CHKA: variants seen among roughly 807,000 people sequenced by gnomAD.
CHKA encodes the protein CHETK-alpha.
A neutral mutation model predicts 60.1 loss-of-function variants in CHKA; 34 were observed. The observed-to-expected ratio is 0.57, with a 90% confidence interval of 0.43 to 0.75. CHKA has a LOEUF of 0.75. Ranked by LOEUF, CHKA falls within the 30% of genes least tolerant of loss-of-function variation. The pLI, the probability that CHKA is intolerant of heterozygous loss-of-function variation, is 0.00. For synonymous variants in CHKA, 217 were observed against 223.1 expected (o/e 0.97, Z 0.24); for missense variants, 563 against 561.3 (o/e 1.00, Z -0.03).
chr11:68,099,628 T>A lies in CHKA; in HGVS notation c.351-2498A>T, dbSNP rs980476336. On this transcript the variant is annotated intron_variant, in intron 1 of 11. Transcript: ENST00000265689. ...AAGGAACCAAAAGCAGCCTTAACCTTTCTGTTAAACTTGGCGTGGCGCCTC... is the reference window on the plus strand; with the variant it reads ...AAGGAACCAAAAGCAGCCTTAACCTATCTGTTAAACTTGGCGTGGCGCCTC... Among the ~76,000 whole-genome samples the A allele has an allele frequency of 3.3e-5, 5 of 152,110 alleles. No individual in the cohort carries two copies. In the South Asian group the frequency reaches 1.0e-3, roughly 32 times the overall value.
chr11:68,096,568 C>G (rs554781745), intron 2 of CHKA, among the ~76,000 whole-genome samples: 5 of 152,232 alleles, frequency 3.3e-5, no homozygotes, highest in Admixed American at 3.3e-4. Flanking sequence ...AAAGAAATCT[C>G]AGAGAAACAG....
At chr11:68,092,895 T>G (rs1346794396) in intron 2 of CHKA, among the ~76,000 whole-genome samples, 1 of 152,030 alleles carries the variant, frequency 6.6e-6, no homozygotes, top group East Asian at 1.9e-4. Context: ...AGCAAAGAAA[T>G]AGTTTTTTTC....
chr11:68,061,769 TC>T, intron 11 of CHKA, 183 bp downstream of exon 11: 1 of 642,154 alleles, frequency 1.6e-6, no homozygotes, highest in Admixed American at 2.1e-5. Context: ...CAGCGGCTTC[TC>T]CCCCGGCTTC....
chr11:68,091,556 C>T (rs1348668328), intron 2 of CHKA, among the ~76,000 whole-genome samples: 6 of 152,158 alleles, frequency 3.9e-5, no homozygotes, highest in African/African-American at 7.2e-5. Context: ...AGTTTGTTTC[C>T]GTCTCATCTT....
chr11:68,084,391 C>T lies in CHKA; in HGVS notation c.463-2934G>A, dbSNP rs542895151. ...ATATACGTATATGTGTATATATATA[C>T]ACACATATACGTATATATGTGTATA... On this transcript the variant is annotated intron_variant, in intron 2 of 11. Transcript: ENST00000265689. Among the ~76,000 whole-genome samples the T allele has an allele frequency of 1.1e-3, 107 of 100,186 alleles. 1 individual carries two copies. The Middle Eastern group carries it at 0.018, about 17-fold the overall frequency. 65.7% of individuals were successfully genotyped at this position (100,186 alleles called of 152,430 possible). A position where few individuals can be genotyped will look rare whatever the true frequency, so the allele number is the denominator to read the frequency against.
chr11:68,120,541 C>T (rs1039378647), intron 1 of CHKA, among the ~76,000 whole-genome samples: 23 of 152,374 alleles, frequency 1.5e-4, no homozygotes, highest in Middle Eastern at 3.4e-3. Flanking sequence ...CGTGATGGAA[C>T]GGTATTGTTC....
chr11:68,058,958 G>A lies in CHKA; in HGVS notation c.1314+2995C>T, dbSNP rs531298283. Among the ~76,000 whole-genome samples, 5 of 152,218 alleles carry A rather than the reference G, an allele frequency of 3.3e-5. No homozygotes were observed. The East Asian group carries it at 7.7e-4, about 23-fold the overall frequency. On this transcript the variant is annotated intron_variant, in intron 11 of 11. Coordinates refer to ENST00000265689, the MANE Select transcript of CHKA (RefSeq NM_001277.3). ...GTTGCCCAGGCTGGAGTGCAGTGGCGTGATCTCGGCTCACTGCAACCTCCA... is the reference window on the plus strand; with the variant it reads ...GTTGCCCAGGCTGGAGTGCAGTGGCATGATCTCGGCTCACTGCAACCTCCA...
At chr11:68,111,276 G>A (rs1158744877) in intron 1 of CHKA, among the ~76,000 whole-genome samples, 1 of 152,120 alleles carries the variant, frequency 6.6e-6, no homozygotes, top group Non-Finnish European at 1.5e-5. Context: ...GCTGGGCGTG[G>A]TGGTGGGCGC....
At chr11:68,098,233 T>C (rs1321198030) in intron 1 of CHKA, among the ~76,000 whole-genome samples, 2 of 142,808 alleles carry the variant, frequency 1.4e-5, no homozygotes, top group Admixed American at 7.4e-5. Context: ...ATCGCGCCAC[T>C]GTACTCCAGC....
intron 7 of CHKA, among the ~76,000 whole-genome samples, chr11:68,067,724 G>T (rs534420632): frequency 1.6e-4 from 24 of 152,290 alleles, no homozygotes; most frequent in South Asian, 8.3e-4. Flanking sequence ...TCTCTCTAGT[G>T]ATGTCTGTGC....
intron 3 of CHKA, 33 bp from the exon 4 acceptor site, chr11:68,074,863 T>C: frequency 6.2e-7 from 1 of 1,602,822 alleles, no homozygotes; most frequent in South Asian, 1.1e-5. Context: ...AGGTGTTTAC[T>C]GAGTGTTTGC....
At chr11:68,101,971 G>A (rs1590874466) in intron 1 of CHKA, among the ~76,000 whole-genome samples, 1 of 151,658 alleles carries the variant, frequency 6.6e-6, no homozygotes, top group East Asian at 1.9e-4. Flanking sequence ...ATGGTGGTGG[G>A]CGCCTGTAAT....
At chr11:68,065,595 G>C (rs899422831) in intron 9 of CHKA, among the ~76,000 whole-genome samples, 191 bp downstream of exon 9, 1 of 152,086 alleles carries the variant, frequency 6.6e-6, no homozygotes, top group Non-Finnish European at 1.5e-5. Flanking sequence ...CAGCTACTTG[G>C]GGGGCTGAGG....
chr11:68,081,385 G>T lies in CHKA; in HGVS notation c.516+19C>A. On this transcript the variant is annotated intron_variant, in intron 3 of 11. Coordinates refer to ENST00000265689, the MANE Select transcript of CHKA (RefSeq NM_001277.3). ...CTAGTTCACATCTCACACAGATGCA[G>T]AAAGACTGAATTACTTACTTGAAAT... The T allele has an allele frequency of 6.2e-7, 1 of 1,609,498 alleles. No homozygotes were observed. Among genetic ancestry groups the T allele is most frequent in the South Asian group, 1.1e-5 (1 of 90,950 alleles).
At position 68,120,858 on chromosome 11, in the gene CHKA, C is replaced by A; in HGVS notation, c.320G>T (p.Arg107Leu). Residue 107 changes from arginine (R) to leucine (L), a missense_variant, in exon 1 of 12, where the codon CGC becomes CTC. Physicochemically the swap from Arg to Leu is moderately radical, Grantham distance 102. Transcript: ENST00000265689. ...GACACTGATGTGGAACTCGTCCTCG[C>A]GGAGGCCCCGCCAGGCGCCGGGCAG... ...EFLPGAWRGL[R>L]EDEFHISVIR... 7.4e-7 allele frequency: 1 copy of A among 1,349,270 alleles called. No individual in the cohort carries two copies. 83.6% of individuals were successfully genotyped at this position (1,349,270 alleles called of 1,614,324 possible). A position where few individuals can be genotyped will look rare whatever the true frequency, so the allele number is the denominator to read the frequency against.
chr11:68,079,901 C>T (rs1169985934), intron 3 of CHKA, among the ~76,000 whole-genome samples: 1 of 151,958 alleles, frequency 6.6e-6, no homozygotes, highest in Non-Finnish European at 1.5e-5. Context: ...GAGAAGAGGG[C>T]CTATGGTCAA....
intron 1 of CHKA, among the ~76,000 whole-genome samples, chr11:68,117,692 A>G (rs1349027856): frequency 6.6e-6 from 1 of 152,176 alleles, no homozygotes; most frequent in Non-Finnish European, 1.5e-5. Context: ...ATAAATTTAA[A>G]AATAAAAAAT....
intron 3 of CHKA, among the ~76,000 whole-genome samples, chr11:68,079,905 T>A (rs1422095560): frequency 6.6e-6 from 1 of 152,020 alleles, no homozygotes; most frequent in Non-Finnish European, 1.5e-5. Context: ...AGAGGGCCTA[T>A]GGTCAAATCA....
Position 68,065,789 on chromosome 11 carries a change from T to C in CHKA, c.1122A>G (p.Gln374=). The C allele has an allele frequency of 6.3e-7, 1 of 1,589,804 alleles. No homozygotes were observed. The highest frequency in any genetic ancestry group is 8.6e-7 in the Non-Finnish European group (1 of 1,159,238). Residue 374 remains glutamine, a synonymous_variant, in exon 9 of 12, where the codon CAA becomes CAG. Transcript: ENST00000265689. ...TATACAAAAACTCATCTCCTACCTG[T>C]TGTTTCTTGGTGGGATACTTCCGGA... is the stretch of plus-strand genomic sequence containing the variant. The part of the protein sequence containing the change: ...ANIRKYPTKK[Q]QLHFISSYLP...
Sources: gnomAD v4.1 joint callset for allele counts (sites outside exome capture counted in the v4.1 genomes callset) on GRCh38, gnomAD v4.1.1 for gene constraint, MANE v1.5 for transcripts, NCBI Gene and HGNC (gene_info 2026-07-23, HGNC 2026-07-21) for gene names.